The following CSMD1 variants were observed in gnomAD, a reference collection of about 807,000 sequenced individuals.
CSMD1 encodes the protein CUB and Sushi multiple domains 1, also known as CUB and sushi domain-containing protein 1.
A neutral mutation model predicts 417.5 loss-of-function variants in CSMD1; 213 were observed. The observed-to-expected ratio is 0.51, with a 90% CI of 0.46 to 0.57. The LOEUF is 0.57. Ranked by LOEUF, CSMD1 falls within the 20% of genes least tolerant of loss-of-function variation. The probability of loss-of-function intolerance (pLI) is 0.00; values close to 1 mark genes in which losing one functional copy is unlikely to be tolerated. For missense variants in CSMD1, 6,923 were observed against 4,529.7 expected, an observed-to-expected ratio of 1.53 and a Z score of -15.17; for synonymous variants, 2,862 against 1,736.8, an observed-to-expected ratio of 1.65 and a Z score of -16.11.
chr8:3,740,874 C>A (rs1348108971), intron 6 of CSMD1, among the ~76,000 whole-genome samples: 1 of 151,998 alleles, frequency 6.6e-6, no homozygotes, highest in Non-Finnish European at 1.5e-5. Context: ...TGAGGCAGAG[C>A]CCTACTCAGC....
intron 10 of CSMD1, among the ~76,000 whole-genome samples, chr8:3,562,794 G>C (rs995605269): frequency 1.6e-4 from 25 of 151,878 alleles, no homozygotes; most frequent in African/African-American, 3.9e-4. Context: ...AGGGGGAAGA[G>C]GATCGAGAAA....
At chr8:4,320,851 A>C (rs1436389660) in intron 3 of CSMD1, among the ~76,000 whole-genome samples, 1 of 152,148 alleles carries the variant, frequency 6.6e-6, no homozygotes, top group Non-Finnish European at 1.5e-5. Context: ...AAGGATTATA[A>C]ATCATTCTAC....
chr8:3,809,362 A>T (rs1427863781), intron 5 of CSMD1, among the ~76,000 whole-genome samples: 2 of 152,324 alleles, frequency 1.3e-5, no homozygotes, highest in African/African-American at 2.4e-5. Flanking sequence ...CTTGTTTATC[A>T]CTGTTCTACT....
chr8:3,705,935 G>C (rs986330778), intron 7 of CSMD1, among the ~76,000 whole-genome samples: 83 of 152,202 alleles, frequency 5.5e-4, no homozygotes, highest in African/African-American at 1.9e-3. Context: ...ATAGGCATGT[G>C]GGCAGCCAGT....
intron 2 of CSMD1, among the ~76,000 whole-genome samples, chr8:4,428,016 A>G (rs942778970): frequency 6.6e-6 from 1 of 152,180 alleles, no homozygotes; most frequent in Admixed American, 6.5e-5. Flanking sequence ...CCAAGTAGCT[A>G]CTGTACTTGA....
intron 3 of CSMD1, among the ~76,000 whole-genome samples, chr8:4,199,786 TTAGA>T (rs2131249443): frequency 6.6e-6 from 1 of 152,236 alleles, no homozygotes; most frequent in African/African-American, 2.4e-5. Context: ...AACATGCTGT[TTAGA>T]TAGAAAATCG....
chr8:3,126,962 G>C (rs543145086), intron 41 of CSMD1, among the ~76,000 whole-genome samples: 1 of 152,176 alleles, frequency 6.6e-6, no homozygotes, highest in Non-Finnish European at 1.5e-5. Context: ...CGCTGAGAAC[G>C]TCAGCTTTTG....
intron 25 of CSMD1, among the ~76,000 whole-genome samples, chr8:3,297,832 G>C (rs906038297): frequency 2.6e-5 from 4 of 151,666 alleles, no homozygotes; most frequent in Admixed American, 1.3e-4. Flanking sequence ...TTAAAAATTT[G>C]CTAACCGTAA....
chr8:3,170,509 G>A (rs147257432), intron 37 of CSMD1, among the ~76,000 whole-genome samples: 122 of 152,204 alleles, frequency 8.0e-4, no homozygotes, highest in African/African-American at 2.8e-3. Flanking sequence ...TGCCCGGCCC[G>A]AGCTTTATTT....
intron 3 of CSMD1, among the ~76,000 whole-genome samples, chr8:4,244,154 C>G (rs193143003): frequency 6.4e-4 from 97 of 152,320 alleles, no homozygotes; most frequent in African/African-American, 2.0e-3. Context: ...ATTTGTGCTA[C>G]AGGCAGCTCT....
At chr8:3,635,643 C>T (rs1175380646) in intron 7 of CSMD1, among the ~76,000 whole-genome samples, 1 of 151,112 alleles carries the variant, frequency 6.6e-6, no homozygotes. Context: ...GCCACCATGC[C>T]TGGCTATTTT....
intron 3 of CSMD1, among the ~76,000 whole-genome samples, chr8:4,187,301 G>T (rs931596867): frequency 6.6e-6 from 1 of 152,124 alleles, no homozygotes; most frequent in African/African-American, 2.4e-5. Flanking sequence ...TCAGTCATAG[G>T]AAAGGACAAC....
At chr8:4,574,548 A>C (rs958045982) in intron 2 of CSMD1, among the ~76,000 whole-genome samples, 1 of 152,204 alleles carries the variant, frequency 6.6e-6, no homozygotes, top group African/African-American at 2.4e-5. Context: ...TGGGAGCTGC[A>C]GACGGGAGCT....
At chr8:3,412,330 C>G (rs1462799060) in intron 12 of CSMD1, among the ~76,000 whole-genome samples, 1 of 151,858 alleles carries the variant, frequency 6.6e-6, no homozygotes, top group East Asian at 1.9e-4. Flanking sequence ...CATAACCTAA[C>G]CACTTTCTAA....
chr8:2,955,079 C>T (rs1191247540), intron 64 of CSMD1, among the ~76,000 whole-genome samples: 2 of 152,160 alleles, frequency 1.3e-5, no homozygotes, highest in Non-Finnish European at 2.9e-5. Context: ...TGGATCGTTT[C>T]CATGTGAATT....
intron 50 of CSMD1, chr8:3,043,679 C>T (rs1811255163): frequency 6.6e-6 from 1 of 152,038 alleles, no homozygotes; most frequent in Admixed American, 6.6e-5. Flanking sequence ...ATGCAAAAAT[C>T]ACACATTTAT....
intron 3 of CSMD1, among the ~76,000 whole-genome samples, chr8:4,089,885 C>T (rs1357563535): frequency 6.6e-6 from 1 of 152,072 alleles, no homozygotes; most frequent in Admixed American, 6.6e-5. Flanking sequence ...ACCTGCAGAG[C>T]TGTGGGGTCA....
intron 5 of CSMD1, among the ~76,000 whole-genome samples, chr8:3,879,426 T>C (rs1806056191): frequency 6.6e-6 from 1 of 152,126 alleles, no homozygotes; most frequent in African/African-American, 2.4e-5. Flanking sequence ...AGGAAATGAA[T>C]CAGTCCGGTC....
At chr8:4,384,990 G>C (rs189051981) in intron 3 of CSMD1, among the ~76,000 whole-genome samples, 3 of 152,088 alleles carry the variant, frequency 2.0e-5, no homozygotes, top group Non-Finnish European at 4.4e-5. Context: ...GCGCAATCTC[G>C]ATCTCGGCTC....
Sources: gnomAD v4.1 joint callset for allele counts (sites outside exome capture counted in the v4.1 genomes callset) on GRCh38, gnomAD v4.1.1 for gene constraint, MANE v1.5 for transcripts, NCBI Gene and HGNC (gene_info 2026-07-23, HGNC 2026-07-21) for gene names.